The following APAF1 variants were observed in gnomAD, a reference collection of about 807,000 sequenced individuals.
APAF1 encodes apoptotic protease-activating factor 1.
Under a neutral mutation model 152.4 loss-of-function variants are expected in APAF1, and 91 were observed. The ratio of observed to expected loss-of-function variants is 0.60; its 90% CI spans 0.50 to 0.71. The LOEUF (loss-of-function observed/expected upper bound fraction) is 0.71. Among genes scored for constraint, APAF1 ranks in the 30% least tolerant of loss-of-function variants. The pLI is 0.00. For synonymous variants in APAF1, 484 were observed against 494.1 expected (o/e 0.98, Z 0.27); for missense variants, 1,283 against 1,472.0 (o/e 0.87, Z 2.10).
rs1372059732 is a variant in APAF1 at position 98,735,055 on chromosome 12, C to T, written c.*2489C>T. 1 of 394,522 alleles carries T rather than the reference C, an allele frequency of 2.5e-6. No homozygotes were observed. The highest frequency in any genetic ancestry group is 2.1e-5 in the African/African-American group (1 of 48,490). The allele number at this position is 394,522 out of a possible 1,614,324, so 24.4% of individuals were successfully genotyped here. ...TTGAGCCCTGGAGTTTGAGTCCAGCCTGGGTGACATAGCAAGACCCTGTCT... is the reference window on the plus strand; with the variant it reads ...TTGAGCCCTGGAGTTTGAGTCCAGCTTGGGTGACATAGCAAGACCCTGTCT... On this transcript the variant is annotated 3_prime_UTR_variant, in exon 27 of 27. Transcript: ENST00000551964.
At chr12:98,712,760 G>C (rs780929796) in intron 21 of APAF1, 5 of 281,822 alleles carry the variant, frequency 1.8e-5, no homozygotes, top group African/African-American at 1.1e-4. Flanking sequence ...GCGATTGTCC[G>C]GCCTCAGCCT....
chr12:98,662,437 TA>T lies in APAF1; in HGVS notation c.711-18del, dbSNP rs748107954. ...TAAGATAAGTGTCATTAGTGATTAA[TA>T]TTTTTTTTTTAAATTAGGTCTCTCT... is the stretch of plus-strand genomic sequence containing the variant. On this transcript the variant is annotated intron_variant, in intron 5 of 26. Coordinates refer to ENST00000551964, the MANE Select transcript of APAF1 (RefSeq NM_181861.2). 105 of 1,527,282 alleles carry T rather than the reference TA, an allele frequency of 6.9e-5. No individual in the cohort carries two copies. Among genetic ancestry groups the T allele is most frequent in the South Asian group, 3.9e-4 (35 of 89,252 alleles). The allele number at this position is 1,527,282 out of a possible 1,614,324, so 94.6% of individuals were successfully genotyped here.
At chr12:98,648,604 T>TCAGAGGCCAGTTGTTTTTGTCACAAGG in intron 2 of APAF1, 22 bp from the exon 3 acceptor site, 1 of 1,612,416 alleles carries the variant, frequency 6.2e-7, no homozygotes, top group Non-Finnish European at 8.5e-7. Flanking sequence ...TGTTGTATAC[T>TCAGAGGCCAGTTGTTTTTGTCACAAGG]AAACTACTTA....
chr12:98,673,456 A>C (rs1043935230), intron 12 of APAF1, among the ~76,000 whole-genome samples: 6 of 151,168 alleles, frequency 4.0e-5, no homozygotes, highest in Admixed American at 1.3e-4. Flanking sequence ...AAAAAAAAAA[A>C]CAAAAAAAAA....
Position 98,722,124 on chromosome 12 carries a change from C to T in APAF1, c.3085-1069C>T, listed in dbSNP as rs146067706. Among the ~76,000 whole-genome samples the T allele has an allele frequency of 1.1e-4, 16 of 152,314 alleles. No homozygotes were observed. In the East Asian group the frequency reaches 2.9e-3, roughly 28 times the overall value. On this transcript the variant is annotated intron_variant, in intron 22 of 26. Coordinates refer to ENST00000551964, the MANE Select transcript of APAF1 (RefSeq NM_181861.2). Reference sequence around the variant, plus strand: ...GGACTCATGAGCAGGTCCCTTTTCACGTTTCCCTGCTCCTATACTTTAACT... The same window carrying T: ...GGACTCATGAGCAGGTCCCTTTTCATGTTTCCCTGCTCCTATACTTTAACT...
chr12:98,701,406 G>C (rs79349771), intron 17 of APAF1, among the ~76,000 whole-genome samples: 2 of 152,060 alleles, frequency 1.3e-5, no homozygotes, highest in East Asian at 3.9e-4. Flanking sequence ...TATTTATTTA[G>C]TTTTCTGAGG....
intron 8 of APAF1, 85 bp from the exon 9 acceptor site, chr12:98,666,105 G>C (rs76787622): frequency 7.7e-7 from 1 of 1,307,018 alleles, no homozygotes; most frequent in African/African-American, 1.5e-5. Context: ...TTAAGATACC[G>C]TTTTTTTGTG....
chr12:98,667,829 T>TG (rs1252436276), intron 10 of APAF1, among the ~76,000 whole-genome samples, 185 bp downstream of exon 10: 2 of 138,910 alleles, frequency 1.4e-5, no homozygotes, highest in Admixed American at 8.3e-5. Flanking sequence ...TGGAGTGCAG[T>TG]GGCACAATCT....
chr12:98,656,844 C>T (rs942762671), intron 4 of APAF1, among the ~76,000 whole-genome samples: 1 of 152,180 alleles, frequency 6.6e-6, no homozygotes, highest in Non-Finnish European at 1.5e-5. Flanking sequence ...TCATCCAGAC[C>T]ATTAATACTC....
chr12:98,714,790 T>C (rs2097731992), intron 21 of APAF1, among the ~76,000 whole-genome samples: 1 of 152,102 alleles, frequency 6.6e-6, no homozygotes, highest in Admixed American at 6.5e-5. Context: ...ATGAAACATA[T>C]TTCCTCTCTT....
rs1446857593 is a variant in APAF1, at chr12:98,699,644, A to G, written c.2466+75A>G. 2.0e-6 allele frequency: 3 copies of G among 1,519,056 alleles called. No homozygotes were observed. The Admixed American group carries it at 5.2e-5, about 26-fold the overall frequency. The allele number at this position is 1,519,056 out of a possible 1,614,324, so 94.1% of individuals were successfully genotyped here. A position where few individuals can be genotyped will look rare whatever the true frequency, so the allele number is the denominator to read the frequency against. On this transcript the variant is annotated intron_variant, in intron 17 of 26. Coordinates refer to ENST00000551964, the MANE Select transcript of APAF1 (RefSeq NM_181861.2). ...CTTCTGTTCATTTTTGCATTTTACA[A>G]TGTTTATTCATAAAAATAAAGTCTA...
At chr12:98,729,125 C>T (rs1370103429) in intron 26 of APAF1, among the ~76,000 whole-genome samples, 1 of 152,182 alleles carries the variant, frequency 6.6e-6, no homozygotes. Flanking sequence ...AGAGGAGTGA[C>T]CAGACCAACC....
At chr12:98,714,208 A>G (rs1001307284) in intron 21 of APAF1, among the ~76,000 whole-genome samples, 5 of 152,174 alleles carry the variant, frequency 3.3e-5, no homozygotes, top group Non-Finnish European at 7.4e-5. Context: ...CATCTATCTT[A>G]AAATAAGTCT....
At chr12:98,659,752 G>GAAAAAAA (rs34536171) in intron 5 of APAF1, among the ~76,000 whole-genome samples, 3 of 89,856 alleles carry the variant, frequency 3.3e-5, no homozygotes, top group Non-Finnish European at 6.3e-5. Flanking sequence ...AACTCCATCA[G>GAAAAAAA]AAAAAAAAAA....
chr12:98,689,496 G>A lies in APAF1; in HGVS notation c.2304+2623G>A, dbSNP rs567207749. Among the ~76,000 whole-genome samples, 13 of 97,236 alleles carry A rather than the reference G, an allele frequency of 1.3e-4. No individual in the cohort carries two copies. In the South Asian group the frequency reaches 3.3e-3, roughly 25 times the overall value. 63.8% of individuals were successfully genotyped at this position (97,236 alleles called of 152,430 possible). A position where few individuals can be genotyped will look rare whatever the true frequency, so the allele number is the denominator to read the frequency against. On this transcript the variant is annotated intron_variant, in intron 16 of 26. Transcript: ENST00000551964. ...TGTCTGTGTGTGTGTGTGTGTGTGT[G>A]AGAGAGAGACACAGGGTCTTACTTT...
rs374226856 is a variant in APAF1, at chr12:98,703,942, C to G, written c.2595+443C>G. The stretch of plus-strand genomic sequence containing the variant: ...GTAGGATAAGATAGGATGTTCATTG[C>G]CAGGCACTAATGAATAAAATAACTC... On this transcript the variant is annotated intron_variant, in intron 18 of 26. Coordinates refer to ENST00000551964, the MANE Select transcript of APAF1 (RefSeq NM_181861.2). Among the ~76,000 whole-genome samples, 15 of 152,260 alleles carry G rather than the reference C, an allele frequency of 9.9e-5. No homozygotes were observed. The East Asian group carries it at 2.1e-3, about 22-fold the overall frequency.
At chr12:98,660,530 A>G (rs1348441269) in intron 5 of APAF1, among the ~76,000 whole-genome samples, 5 of 152,234 alleles carry the variant, frequency 3.3e-5, no homozygotes, top group Admixed American at 2.6e-4. Flanking sequence ...AGGCACTGTT[A>G]TCAAGTGTTT....
intron 24 of APAF1, 106 bp downstream of exon 24, chr12:98,723,870 G>A: frequency 8.2e-7 from 1 of 1,212,394 alleles, no homozygotes; most frequent in Non-Finnish European, 1.2e-6. Context: ...CTACATGTCT[G>A]TTTCATATTT....
Position 98,732,939 on chromosome 12 carries a change from G to A in APAF1, c.*373G>A, listed in dbSNP as rs1167349526. The A allele has an allele frequency of 4.1e-6, 1 of 245,598 alleles. No homozygotes were observed. The highest frequency in any genetic ancestry group is 7.9e-6 in the Non-Finnish European group (1 of 126,464). 15.2% of individuals were successfully genotyped at this position (245,598 alleles called of 1,614,324 possible). ...GTCTGTATTTATTACTGTTATGCAG[G>A]CTGTGCCTCAGGGTAGCAGTGGCCT... On this transcript the variant is annotated 3_prime_UTR_variant, in exon 27 of 27. Transcript: ENST00000551964.
Sources: gnomAD v4.1 joint callset for allele counts (sites outside exome capture counted in the v4.1 genomes callset) on GRCh38, gnomAD v4.1.1 for gene constraint, MANE v1.5 for transcripts, NCBI Gene and HGNC (gene_info 2026-07-23, HGNC 2026-07-21) for gene names.